Variants in FAM168A observed in about 807,000 individuals in gnomAD.
FAM168A encodes family with sequence similarity 168 member A.
Under a neutral mutation model 28.5 loss-of-function variants are expected in FAM168A, and 3 were observed. The observed-to-expected ratio is 0.11, with a 90% CI of 0.05 to 0.27. FAM168A has a LOEUF of 0.27. Ranked by LOEUF, FAM168A falls within the 10% of genes least tolerant of loss-of-function variation. The pLI, the probability that FAM168A is intolerant of heterozygous loss-of-function variation, is 1.00. For synonymous variants in FAM168A, 122 were observed against 124.2 expected (o/e 0.98, Z 0.12); for missense variants, 222 against 311.5 (o/e 0.71, Z 2.16).
chr11:73,513,825 A>C (rs1799797789), intron 1 of FAM168A, among the ~76,000 whole-genome samples: 1 of 152,040 alleles, frequency 6.6e-6, no homozygotes, highest in Non-Finnish European at 1.5e-5. Flanking sequence ...TCAAATCTGT[A>C]CTCTACCACT....
rs1455834733 is a variant in FAM168A, at chr11:73,401,212, C to G, written c.*5551G>C. On this transcript the variant is annotated 3_prime_UTR_variant, in exon 8 of 8. Transcript: ENST00000356467. ...GAATTAAAAAATACAAAATCATATACAACGCTCTCTTCACAGGGATGTTAC... is the reference window on the plus strand; with the variant it reads ...GAATTAAAAAATACAAAATCATATAGAACGCTCTCTTCACAGGGATGTTAC... 6.6e-6 allele frequency: 1 copy of G among 152,028 alleles called. No individual in the cohort carries two copies. Among genetic ancestry groups the G allele is most frequent in the Non-Finnish European group, 1.5e-5 (1 of 68,012 alleles). 9.4% of individuals were successfully genotyped at this position (152,028 alleles called of 1,614,324 possible). A position where few individuals can be genotyped will look rare whatever the true frequency, so the allele number is the denominator to read the frequency against.
chr11:73,484,151 T>C (rs1424191978), intron 1 of FAM168A, among the ~76,000 whole-genome samples: 1 of 152,204 alleles, frequency 6.6e-6, no homozygotes, highest in Non-Finnish European at 1.5e-5. Context: ...GCATCAGCGC[T>C]GAGGATACAG....
intron 3 of FAM168A, among the ~76,000 whole-genome samples, chr11:73,421,985 T>C (rs2298469): frequency 0.21 from 31,840 of 152,122 alleles, 5,252 homozygotes; most frequent in African/African-American, 0.46. Flanking sequence ...GTTAGTAAAT[T>C]AAACTAACTT....
At chr11:73,490,511 ACTC>A (rs1868113385) in intron 1 of FAM168A, among the ~76,000 whole-genome samples, 1 of 151,932 alleles carries the variant, frequency 6.6e-6, no homozygotes, top group African/African-American at 2.4e-5. Context: ...CAACCTTTTG[ACTC>A]CTGTTACTCT....
intron 2 of FAM168A, among the ~76,000 whole-genome samples, chr11:73,458,574 C>T (rs1284926762): frequency 1.3e-5 from 2 of 152,154 alleles, no homozygotes; most frequent in Admixed American, 6.5e-5. Context: ...CTGACTCTTT[C>T]CTCATCTGTA....
intron 1 of FAM168A, among the ~76,000 whole-genome samples, chr11:73,584,692 T>C (rs2134739921): frequency 6.6e-6 from 1 of 151,750 alleles, no homozygotes; most frequent in East Asian, 2.0e-4. Flanking sequence ...TTAGCCAGGA[T>C]GGTCTTGATC....
Position 73,404,267 on chromosome 11 carries a change from C to G in FAM168A, c.*2496G>C, listed in dbSNP as rs1195760860. 4 of 152,146 alleles carry G rather than the reference C, an allele frequency of 2.6e-5. No individual in the cohort carries two copies. The East Asian group carries it at 7.7e-4, about 29-fold the overall frequency. The allele number at this position is 152,146 out of a possible 1,614,324, so 9.4% of individuals were successfully genotyped here. ...TGGAGGCAGCAGGGTTCTGGGAAGC[C>G]TAGCGGATACCAGCATGCTGCTCAC... On this transcript the variant is annotated 3_prime_UTR_variant, in exon 8 of 8. Coordinates refer to ENST00000356467, the MANE Select transcript of FAM168A (RefSeq NM_015159.3).
intron 4 of FAM168A, among the ~76,000 whole-genome samples, chr11:73,418,877 T>C (rs906871815): frequency 4.0e-5 from 6 of 151,758 alleles, no homozygotes; most frequent in African/African-American, 1.2e-4. Context: ...GGCGTGATCT[T>C]GGCTCACTGC....
intron 1 of FAM168A, among the ~76,000 whole-genome samples, chr11:73,513,730 C>A (rs1855274266): frequency 2.0e-5 from 3 of 152,106 alleles, no homozygotes; most frequent in Non-Finnish European, 2.9e-5. Context: ...TTATATTAAA[C>A]CACTGAAATC....
intron 1 of FAM168A, among the ~76,000 whole-genome samples, chr11:73,581,786 T>C (rs2134735710): frequency 6.6e-6 from 1 of 152,238 alleles, no homozygotes; most frequent in East Asian, 1.9e-4. Flanking sequence ...TGGCGCAATC[T>C]CGCCTCGCTG....
At chr11:73,529,743 C>T (rs964907696) in intron 1 of FAM168A, among the ~76,000 whole-genome samples, 1 of 151,868 alleles carries the variant, frequency 6.6e-6, no homozygotes, top group Non-Finnish European at 1.5e-5. Context: ...TAGAGAAACA[C>T]CTAACTTTCC....
At chr11:73,477,244 C>A (rs993786400) in intron 1 of FAM168A, among the ~76,000 whole-genome samples, 1 of 150,864 alleles carries the variant, frequency 6.6e-6, no homozygotes, top group African/African-American at 2.4e-5. Flanking sequence ...GGGTGAAAGT[C>A]AAAAAAAAGT....
chr11:73,497,450 C>T (rs1025840551), intron 1 of FAM168A, among the ~76,000 whole-genome samples: 5 of 151,190 alleles, frequency 3.3e-5, no homozygotes, highest in South Asian at 2.1e-4. Flanking sequence ...TCCATACCCC[C>T]CCTCAAAAAA....
intron 1 of FAM168A, among the ~76,000 whole-genome samples, chr11:73,567,706 T>A (rs1191396869): frequency 6.6e-6 from 1 of 152,192 alleles, no homozygotes; most frequent in African/African-American, 2.4e-5. Flanking sequence ...GCTGGGAAAA[T>A]TGACATATAG....
intron 2 of FAM168A, among the ~76,000 whole-genome samples, chr11:73,458,765 C>T (rs1048898312): frequency 1.3e-5 from 2 of 152,118 alleles, no homozygotes; most frequent in Non-Finnish European, 1.5e-5. Flanking sequence ...TGCCTGCTAC[C>T]ACGCCCGGCT....
intron 1 of FAM168A, among the ~76,000 whole-genome samples, chr11:73,542,995 C>T (rs1489072264): frequency 6.6e-6 from 1 of 152,170 alleles, no homozygotes; most frequent in Non-Finnish European, 1.5e-5. Flanking sequence ...ATTCTTCCCT[C>T]AAATTATCAA....
chr11:73,572,503 G>A (rs1162601079), intron 1 of FAM168A, among the ~76,000 whole-genome samples: 3 of 151,528 alleles, frequency 2.0e-5, no homozygotes, highest in Non-Finnish European at 4.4e-5. Context: ...AAGTAGACAT[G>A]GGAGACTTTT....
intron 2 of FAM168A, among the ~76,000 whole-genome samples, chr11:73,444,791 T>C (rs1412492296): frequency 2.0e-5 from 3 of 152,338 alleles, no homozygotes; most frequent in African/African-American, 2.4e-5. Context: ...ACATAGCATA[T>C]ACTCTCATTT....
rs551775403 is a variant in FAM168A at position 73,404,916 on chromosome 11, G to A, written c.*1847C>T. 6.6e-5 allele frequency: 10 copies of A among 152,264 alleles called. No individual in the cohort carries two copies. The South Asian group carries it at 1.0e-3, about 16-fold the overall frequency. The allele number at this position is 152,264 out of a possible 1,614,324, so 9.4% of individuals were successfully genotyped here. On this transcript the variant is annotated 3_prime_UTR_variant, in exon 8 of 8. Coordinates refer to ENST00000356467, the MANE Select transcript of FAM168A (RefSeq NM_015159.3). Reference sequence around the variant, plus strand: ...TCCCATTTTTTACAATAAAATGTTCGTGCCCCACCCCCAGAGGGGCTGCTG... The same window carrying A: ...TCCCATTTTTTACAATAAAATGTTCATGCCCCACCCCCAGAGGGGCTGCTG...
Sources: gnomAD v4.1 joint callset for allele counts (sites outside exome capture counted in the v4.1 genomes callset) on GRCh38, gnomAD v4.1.1 for gene constraint, MANE v1.5 for transcripts, NCBI Gene and HGNC (gene_info 2026-07-23, HGNC 2026-07-21) for gene names.